Variants in EMP2 observed in about 807,000 individuals in gnomAD.
EMP2 encodes the protein epithelial membrane protein 2.
EMP2 carries 19 observed loss-of-function variants against 13.7 expected under a neutral mutation model. The observed-to-expected ratio is 1.38, with a 90% CI of 0.97 to 2.03. EMP2 has a LOEUF of 2.03. Among genes scored for constraint, EMP2 ranks in the 30% most tolerant of loss-of-function variants. EMP2 has a pLI of 0.00. For missense variants in EMP2, 253 were observed against 220.7 expected (o/e 1.15, Z -0.93); for synonymous variants, 97 against 84.7 (o/e 1.15, Z -0.80).
chr16:10,563,180 C>G (rs573087180), intron 1 of EMP2, among the ~76,000 whole-genome samples: 2 of 137,614 alleles, frequency 1.5e-5, no homozygotes, highest in African/African-American at 6.4e-5. Context: ...AACAGCATTT[C>G]CTCTTTATTA....
intron 1 of EMP2, among the ~76,000 whole-genome samples, chr16:10,564,210 G>A (rs530091667): frequency 6.6e-6 from 1 of 152,294 alleles, no homozygotes; most frequent in Admixed American, 6.5e-5. Context: ...GGTAATTCTG[G>A]CCAGGCACAG....
At chr16:10,550,067 G>A (rs1292495607) in intron 1 of EMP2, among the ~76,000 whole-genome samples, 1 of 151,492 alleles carries the variant, frequency 6.6e-6, no homozygotes, top group Non-Finnish European at 1.5e-5. Flanking sequence ...TGTATTTTTA[G>A]TACAGACAGG....
chr16:10,577,208 G>A (rs888174331), intron 1 of EMP2, among the ~76,000 whole-genome samples: 1 of 152,156 alleles, frequency 6.6e-6, no homozygotes, highest in Non-Finnish European at 1.5e-5. Flanking sequence ...AGGTCCTTAT[G>A]CCCTGAAATT....
Position 10,537,927 on chromosome 16 carries a change from C to G in EMP2, c.316+1G>C, listed in dbSNP as rs375332633. 1.2e-5 allele frequency: 20 copies of G among 1,613,906 alleles called. No individual in the cohort carries two copies. Among genetic ancestry groups the G allele is most frequent in the Admixed American group, 1.7e-5 (1 of 59,988 alleles). On this transcript the variant is annotated splice_donor_variant, in intron 4 of 4. Coordinates refer to ENST00000359543, the MANE Select transcript of EMP2 (RefSeq NM_001424.6). LOFTEE classifies it high-confidence loss of function. ...TTAGGGAAGCCCGTTGATGTACTTA[C>G]ATGACATTAGCTGGATGATGGAGGT...
intron 3 of EMP2, among the ~76,000 whole-genome samples, chr16:10,542,445 C>CA (rs35777113): frequency 6.6e-6 from 1 of 150,730 alleles, no homozygotes; most frequent in African/African-American, 2.5e-5. Context: ...AAACCCTCCC[C>CA]CCCCACCAAC....
In EMP2 at chr16:10,533,012, C is replaced by T. The variant is rs200685237; in HGVS notation, c.397G>A (p.Val133Met). The T allele has an allele frequency of 2.4e-4, 387 of 1,611,938 alleles. No individual in the cohort carries two copies. Among genetic ancestry groups the T allele is most frequent in the Admixed American group, 3.8e-4 (23 of 59,770 alleles). ...IHDKNAKFYP[V>M]TREGSYGYSY... The stretch of plus-strand genomic sequence containing the variant: ...TAGCCGTAGCTGCCTTCTCTGGTCA[C>T]GGGATAGAATTTCGCGTTTTTGTCG... The change falls in exon 5 of 5, where the codon GTG (valine) becomes ATG (methionine). Residue 133 changes from valine to methionine, a missense_variant. By Grantham distance (21) the Val-to-Met change is conservative. Coordinates refer to ENST00000359543, the MANE Select transcript of EMP2 (RefSeq NM_001424.6).
chr16:10,566,804 G>A (rs960349757), intron 1 of EMP2, among the ~76,000 whole-genome samples: 19 of 152,214 alleles, frequency 1.2e-4, no homozygotes, highest in African/African-American at 4.1e-4. Flanking sequence ...CAGGCACTGT[G>A]GGAGGACAGA....
At chr16:10,562,311 A>G (rs1332012508) in intron 1 of EMP2, among the ~76,000 whole-genome samples, 6 of 150,922 alleles carry the variant, frequency 4.0e-5, no homozygotes, top group African/African-American at 1.5e-4. Context: ...ATTCTGGGCC[A>G]AAGCCTCAAG....
chr16:10,572,184 A>G (rs1322652756), intron 1 of EMP2, among the ~76,000 whole-genome samples: 1 of 152,132 alleles, frequency 6.6e-6, no homozygotes, highest in African/African-American at 2.4e-5. Context: ...AGCTGGGCAC[A>G]GTGGTTCATG....
chr16:10,553,327 C>A (rs1270802626), intron 1 of EMP2, among the ~76,000 whole-genome samples: 5 of 152,248 alleles, frequency 3.3e-5, no homozygotes, highest in Admixed American at 3.3e-4. Context: ...ATTCTTCACT[C>A]CACGTTTCCG....
At chr16:10,558,906 A>G (rs201686021) in intron 1 of EMP2, 3 of 152,364 alleles carry the variant, frequency 2.0e-5, no homozygotes, top group African/African-American at 7.2e-5. Flanking sequence ...TATTTAAACC[A>G]CAGCCGATTC....
At chr16:10,556,507 G>A (rs1184584563) in intron 1 of EMP2, among the ~76,000 whole-genome samples, 1 of 152,178 alleles carries the variant, frequency 6.6e-6, no homozygotes, top group Non-Finnish European at 1.5e-5. Context: ...ACTTTTCAGG[G>A]AAGACAGCAA....
intron 1 of EMP2, among the ~76,000 whole-genome samples, chr16:10,575,152 A>C (rs898751426): frequency 6.7e-6 from 1 of 149,450 alleles, no homozygotes. Context: ...CTCCAACACT[A>C]CAGGCTTAAG....
intron 1 of EMP2, among the ~76,000 whole-genome samples, chr16:10,573,208 C>T (rs549143695): frequency 1.3e-5 from 2 of 152,110 alleles, no homozygotes; most frequent in African/African-American, 4.8e-5. Flanking sequence ...TGTCACCATG[C>T]CTGGCTAATT....
intron 3 of EMP2, among the ~76,000 whole-genome samples, chr16:10,543,043 G>A (rs1351303386): frequency 6.6e-6 from 1 of 152,040 alleles, no homozygotes; most frequent in Non-Finnish European, 1.5e-5. Flanking sequence ...ATGGGGTTTC[G>A]CCATATTGAC....
At chr16:10,572,493 C>T (rs1300059826) in intron 1 of EMP2, among the ~76,000 whole-genome samples, 1 of 151,924 alleles carries the variant, frequency 6.6e-6, no homozygotes, top group African/African-American at 2.4e-5. Flanking sequence ...CACAGATGAT[C>T]TTCCATCCAC....
intron 1 of EMP2, among the ~76,000 whole-genome samples, chr16:10,575,548 T>C (rs1479311867): frequency 1.3e-5 from 2 of 151,980 alleles, no homozygotes; most frequent in Non-Finnish European, 2.9e-5. Context: ...GGAGCTTGCA[T>C]TCTTGGACTT....
chr16:10,569,485 A>AT (rs1285481337), intron 1 of EMP2, among the ~76,000 whole-genome samples: 2 of 151,774 alleles, frequency 1.3e-5, no homozygotes, highest in Admixed American at 1.3e-4. Flanking sequence ...TACCTGGGTA[A>AT]TTTTTTTATT....
At chr16:10,543,020 A>G (rs1381233479) in intron 3 of EMP2, among the ~76,000 whole-genome samples, 2 of 152,102 alleles carry the variant, frequency 1.3e-5, no homozygotes, top group African/African-American at 4.8e-5. Flanking sequence ...TAATTTTTGT[A>G]TTTTTAGTAG....
Sources: allele counts gnomAD v4.1 joint callset (sites outside exome capture counted in the v4.1 genomes callset), GRCh38; gene constraint gnomAD v4.1.1; transcripts MANE v1.5; gene names NCBI Gene and HGNC (gene_info 2026-07-23, HGNC 2026-07-21).